Variants in PAK1 observed in about 807,000 individuals in gnomAD.
PAK1 encodes serine/threonine-protein kinase PAK 1.
PAK1 carries 29 observed loss-of-function variants against 67.4 expected under a neutral mutation model. The ratio of observed to expected loss-of-function variants is 0.43; its 90% CI spans 0.32 to 0.59. The LOEUF (loss-of-function observed/expected upper bound fraction) is 0.59. PAK1 is among the 20% of genes least tolerant of loss of function. The pLI is 0.07. For missense variants in PAK1, 337 were observed against 670.7 expected, an observed-to-expected ratio of 0.50 and a Z score of 5.50; for synonymous variants, 223 against 237.4, an observed-to-expected ratio of 0.94 and a Z score of 0.56.
At chr11:77,435,152 G>A (rs571653642) in intron 1 of PAK1, among the ~76,000 whole-genome samples, 4 of 149,560 alleles carry the variant, frequency 2.7e-5, no homozygotes, top group Admixed American at 6.6e-5. Flanking sequence ...AAACCCCACC[G>A]GAAACAAGAA....
At chr11:77,332,465 T>C (rs1941865205) in intron 14 of PAK1, among the ~76,000 whole-genome samples, 1 of 149,498 alleles carries the variant, frequency 6.7e-6, no homozygotes, top group African/African-American at 2.5e-5. Context: ...GCAAAAAAGC[T>C]ACAAGCAAAG....
At chr11:77,370,795 T>C (rs967586286) in intron 5 of PAK1, among the ~76,000 whole-genome samples, 15 of 152,238 alleles carry the variant, frequency 9.9e-5, no homozygotes, top group African/African-American at 3.6e-4. Context: ...TTTACTATCT[T>C]GATCCAATTT....
the PAK1 span, among the ~76,000 whole-genome samples, chr11:77,520,767 A>G: frequency 6.6e-6 from 1 of 152,202 alleles, no homozygotes; most frequent in African/African-American, 2.4e-5. Flanking sequence ...GTACAGAAAG[A>G]TGAATGGCTA....
At chr11:77,528,479 C>T in the PAK1 span, among the ~76,000 whole-genome samples, 6 of 152,086 alleles carry the variant, frequency 3.9e-5, no homozygotes, top group South Asian at 6.2e-4. Context: ...CCCACCTCGG[C>T]GTCCTCAGGC....
the PAK1 span, among the ~76,000 whole-genome samples, chr11:77,497,531 T>C: frequency 6.6e-6 from 1 of 152,196 alleles, no homozygotes; most frequent in South Asian, 2.1e-4. Flanking sequence ...CATTAATTCA[T>C]TTACAAGGGG....
At chr11:77,446,597 A>G (rs891421929) in intron 1 of PAK1, among the ~76,000 whole-genome samples, 1 of 151,942 alleles carries the variant, frequency 6.6e-6, no homozygotes, top group Non-Finnish European at 1.5e-5. Context: ...AATCCAGAAC[A>G]TCTCATTGAA....
intron 1 of PAK1, among the ~76,000 whole-genome samples, chr11:77,465,734 C>T (rs1289894899): frequency 2.0e-5 from 3 of 151,942 alleles, no homozygotes; most frequent in Non-Finnish European, 4.4e-5. Context: ...GAGGCTGAGG[C>T]GGGCAGTTCA....
At chr11:77,369,870 A>T (rs1275904059) in intron 5 of PAK1, among the ~76,000 whole-genome samples, 3 of 152,154 alleles carry the variant, frequency 2.0e-5, no homozygotes, top group Non-Finnish European at 4.4e-5. Flanking sequence ...AGATTTTTTT[A>T]AAAGTTATTT....
At chr11:77,340,502 A>G (rs1943434742) in intron 11 of PAK1, 144 bp downstream of exon 11, 4 of 652,520 alleles carry the variant, frequency 6.1e-6, no homozygotes, top group Middle Eastern at 4.3e-4. Context: ...AAACACAGGT[A>G]CAATACAGGA....
chr11:77,452,583 C>A (rs1166239207), intron 1 of PAK1, among the ~76,000 whole-genome samples: 1 of 152,066 alleles, frequency 6.6e-6, no homozygotes, highest in East Asian at 1.9e-4. Flanking sequence ...GAAGCAGTTT[C>A]TCTAATTTCC....
chr11:77,405,676 C>G (rs2852393), intron 1 of PAK1, among the ~76,000 whole-genome samples: 1 of 76,114 alleles, frequency 1.3e-5, no homozygotes, highest in African/African-American at 5.5e-5. Flanking sequence ...GACAGACAGA[C>G]ACACACACAC....
chr11:77,341,121 C>T (rs749588497), intron 10 of PAK1, among the ~76,000 whole-genome samples: 11 of 152,096 alleles, frequency 7.2e-5, no homozygotes, highest in Non-Finnish European at 1.3e-4. Context: ...AGCATCCAAA[C>T]ATTTGACAAA....
At chr11:77,383,953 G>A (rs1950152626) in intron 2 of PAK1, among the ~76,000 whole-genome samples, 1 of 152,180 alleles carries the variant, frequency 6.6e-6, no homozygotes, top group Admixed American at 6.5e-5. Flanking sequence ...GTAACTCACT[G>A]GGTGACCCAG....
intron 1 of PAK1, among the ~76,000 whole-genome samples, chr11:77,461,321 T>A (rs1957333083): frequency 6.6e-6 from 1 of 152,222 alleles, no homozygotes; most frequent in Admixed American, 6.5e-5. Context: ...TTAATGTAGA[T>A]GTTGCTGGGA....
chr11:77,415,415 T>C (rs1169837361), intron 1 of PAK1, among the ~76,000 whole-genome samples: 1 of 152,204 alleles, frequency 6.6e-6, no homozygotes, highest in Non-Finnish European at 1.5e-5. Flanking sequence ...TATGCGAACA[T>C]CACAGAGTGT....
chr11:77,471,783 T>C (rs1428548449), intron 1 of PAK1, among the ~76,000 whole-genome samples: 1 of 152,218 alleles, frequency 6.6e-6, no homozygotes, highest in Non-Finnish European at 1.5e-5. Context: ...GCACAGTACC[T>C]TCCTTTGAGG....
intron 1 of PAK1, among the ~76,000 whole-genome samples, chr11:77,462,858 C>CA (rs1224023271): frequency 0.022 from 2,859 of 127,198 alleles, 71 homozygotes; most frequent in African/African-American, 0.068. Context: ...TCATGTGTCT[C>CA]AAAAAAAAAA....
chr11:77,418,568 T>A (rs1955094121), intron 1 of PAK1, among the ~76,000 whole-genome samples: 1 of 152,256 alleles, frequency 6.6e-6, no homozygotes, highest in Non-Finnish European at 1.5e-5. Flanking sequence ...TCTCCTCCAG[T>A]CTGCCCATAT....
At chr11:77,331,421 G>A (rs1941485439) in intron 14 of PAK1, among the ~76,000 whole-genome samples, 1 of 152,210 alleles carries the variant, frequency 6.6e-6, no homozygotes. Flanking sequence ...TTAAGAAAAT[G>A]TGGCACATAT....
Sources: allele counts gnomAD v4.1 joint callset (sites outside exome capture counted in the v4.1 genomes callset), GRCh38; gene constraint gnomAD v4.1.1; transcripts MANE v1.5; gene names NCBI Gene and HGNC (gene_info 2026-07-23, HGNC 2026-07-21).